LCA5: variants seen among roughly 807,000 people sequenced by gnomAD.
LCA5 encodes the protein lebercilin.
LCA5 carries 37 observed loss-of-function variants against 53.0 expected under a neutral mutation model. That is an observed-to-expected ratio of 0.70 (90% CI 0.54 to 0.92). The LOEUF (loss-of-function observed/expected upper bound fraction) is 0.92, where lower values mean the gene tolerates loss of function less well. Among genes scored for constraint, LCA5 ranks in the 40% least tolerant of loss-of-function variants. The pLI, the probability that LCA5 is intolerant of heterozygous loss-of-function variation, is 0.00. For synonymous variants in LCA5, 303 were observed against 282.9 expected (o/e 1.07, Z -0.71); for missense variants, 806 against 790.5 (o/e 1.02, Z -0.23).
rs578065360 is a variant in LCA5, at chr6:79,536,785, G to A, written c.-192+380C>T. 1.2e-4 allele frequency among the ~76,000 whole-genome samples: 18 copies of A among 152,148 alleles called. No homozygotes were observed. The South Asian group carries it at 3.5e-3, about 30-fold the overall frequency. ...TAGTCTTGAGTCTCCACGGGCCTCCGGGGTTTTTGTTTTGTTTGTTTTAAT... is the reference window on the plus strand; with the variant it reads ...TAGTCTTGAGTCTCCACGGGCCTCCAGGGTTTTTGTTTTGTTTGTTTTAAT... On this transcript the variant is annotated intron_variant, in intron 1 of 7. Transcript: ENST00000369846.
At chr6:79,528,332 A>G (rs1031952931) in intron 1 of LCA5, among the ~76,000 whole-genome samples, 5 of 152,118 alleles carry the variant, frequency 3.3e-5, no homozygotes, top group Admixed American at 1.3e-4. Flanking sequence ...AGAATTTTCA[A>G]CTTGTACCCA....
At chr6:79,495,975 A>C (rs1769973912) in intron 3 of LCA5, among the ~76,000 whole-genome samples, 2 of 152,174 alleles carry the variant, frequency 1.3e-5, no homozygotes, top group African/African-American at 4.8e-5. Context: ...TCTGTCCCAC[A>C]AAATTCAGTA....
chr6:79,525,814 G>A (rs866482550), intron 1 of LCA5, among the ~76,000 whole-genome samples: 12 of 152,312 alleles, frequency 7.9e-5, no homozygotes, highest in African/African-American at 2.4e-4. Flanking sequence ...CTGCAGGTGT[G>A]GGGGCGGCAG....
chr6:79,522,649 T>C (rs555155770), intron 1 of LCA5, among the ~76,000 whole-genome samples: 31 of 152,312 alleles, frequency 2.0e-4, no homozygotes, highest in African/African-American at 7.0e-4. Context: ...CTGATTACAA[T>C]AAATTGTATT....
At chr6:79,523,647 G>T (rs1259325756) in intron 1 of LCA5, among the ~76,000 whole-genome samples, 1 of 152,110 alleles carries the variant, frequency 6.6e-6, no homozygotes, top group Non-Finnish European at 1.5e-5. Context: ...TTAAAAGTTG[G>T]TTACATGGTA....
At chr6:79,502,737 A>G (rs1274946169) in intron 3 of LCA5, among the ~76,000 whole-genome samples, 2 of 152,184 alleles carry the variant, frequency 1.3e-5, no homozygotes, top group African/African-American at 2.4e-5. Context: ...TATAAGAGGA[A>G]CCTATTACTC....
intron 3 of LCA5, among the ~76,000 whole-genome samples, chr6:79,494,123 T>C (rs1255703879): frequency 2.0e-5 from 3 of 151,956 alleles, no homozygotes; most frequent in East Asian, 3.9e-4. Flanking sequence ...GGCATGGTGG[T>C]GCATGCCTGA....
At chr6:79,502,798 T>C (rs1770176731) in intron 3 of LCA5, among the ~76,000 whole-genome samples, 1 of 152,080 alleles carries the variant, frequency 6.6e-6, no homozygotes, top group Admixed American at 6.6e-5. Flanking sequence ...TGGTAACAAA[T>C]TAATAGAGCA....
At chr6:79,501,630 A>G (rs972048440) in intron 3 of LCA5, among the ~76,000 whole-genome samples, 2 of 151,656 alleles carry the variant, frequency 1.3e-5, no homozygotes, top group Non-Finnish European at 2.9e-5. Flanking sequence ...GTATCCAATT[A>G]TATCCACTAT....
At position 79,501,719 on chromosome 6, in the gene LCA5, T is replaced by C. The variant is rs1424155956; in HGVS notation, c.721-7969A>G. On this transcript the variant is annotated intron_variant, in intron 3 of 7. Transcript: ENST00000369846. The stretch of plus-strand genomic sequence containing the variant: ...ATTCTATATATTAATATATGGCATA[T>C]ACTATATACATCTATAACTATAACA... Among the ~76,000 whole-genome samples the C allele has an allele frequency of 1.3e-4, 19 of 150,674 alleles. No individual in the cohort carries two copies. In the Admixed American group the frequency reaches 1.3e-3, roughly 10 times the overall value.
chr6:79,526,850 C>T (rs1766805033), intron 1 of LCA5, among the ~76,000 whole-genome samples: 1 of 152,128 alleles, frequency 6.6e-6, no homozygotes, highest in Non-Finnish European at 1.5e-5. Flanking sequence ...GGGATTGTCC[C>T]CCTACAAGCT....
At chr6:79,530,673 T>C (rs1468760238) in intron 1 of LCA5, among the ~76,000 whole-genome samples, 1 of 152,186 alleles carries the variant, frequency 6.6e-6, no homozygotes, top group Non-Finnish European at 1.5e-5. Flanking sequence ...AGTACATCCT[T>C]AGGAAATATA....
At chr6:79,498,068 T>C (rs989412353) in intron 3 of LCA5, among the ~76,000 whole-genome samples, 1 of 151,670 alleles carries the variant, frequency 6.6e-6, no homozygotes, top group Admixed American at 6.6e-5. Context: ...ATAACCATAA[T>C]TTTACTATGG....
chr6:79,493,602 A>G lies in LCA5; in HGVS notation c.858+11T>C, dbSNP rs1769899326. On this transcript the variant is annotated intron_variant, in intron 4 of 7. Coordinates refer to ENST00000369846, the MANE Select transcript of LCA5 (RefSeq NM_001122769.3). ...CACATTATGGAAAACAATGCAATTT[A>G]AAATACTTACCTTTAATTTGTGATA... is the stretch of plus-strand genomic sequence containing the variant. 1 of 1,608,842 alleles carries G rather than the reference A, an allele frequency of 6.2e-7. No individual in the cohort carries two copies. The highest frequency in any genetic ancestry group is 1.3e-5 in the African/African-American group (1 of 74,840).
chr6:79,506,551 C>A (rs1043459384), intron 3 of LCA5, among the ~76,000 whole-genome samples: 1 of 152,086 alleles, frequency 6.6e-6, no homozygotes, highest in African/African-American at 2.4e-5. Context: ...TACTTTCACC[C>A]CCTATTTGAA....
chr6:79,503,430 A>G (rs1770195072), intron 3 of LCA5, among the ~76,000 whole-genome samples: 2 of 152,162 alleles, frequency 1.3e-5, no homozygotes, highest in African/African-American at 4.8e-5. Flanking sequence ...CCAATAGACC[A>G]AATCAGTAGT....
intron 5 of LCA5, 117 bp from the exon 6 acceptor site, chr6:79,491,847 T>C (rs531769698): frequency 1.0e-5 from 8 of 784,050 alleles, no homozygotes; most frequent in Non-Finnish European, 1.5e-5. Flanking sequence ...TGTACATTTA[T>C]ATGCACCACT....
intron 3 of LCA5, among the ~76,000 whole-genome samples, chr6:79,509,453 CAAAAA>C (rs55961532): frequency 2.4e-5 from 2 of 84,266 alleles, no homozygotes; most frequent in African/African-American, 4.2e-5. Context: ...GACTCCGTCT[CAAAAA>C]AAAAAAAAAA....
intron 3 of LCA5, among the ~76,000 whole-genome samples, chr6:79,494,878 T>C (rs62411332): frequency 0.12 from 17,933 of 152,248 alleles, 1,180 homozygotes; most frequent in Non-Finnish European, 0.13. Flanking sequence ...TCTTAGACTT[T>C]ATCTAAATCA....
Sources: gnomAD v4.1 joint callset for allele counts (sites outside exome capture counted in the v4.1 genomes callset) on GRCh38, gnomAD v4.1.1 for gene constraint, MANE v1.5 for transcripts, NCBI Gene and HGNC (gene_info 2026-07-23, HGNC 2026-07-21) for gene names.